TENM3: variants seen among roughly 807,000 people sequenced by gnomAD.
The protein encoded by TENM3 is teneurin-3.
A neutral mutation model predicts 255.1 loss-of-function variants in TENM3; 63 were observed. That is an observed-to-expected ratio of 0.25 (90% confidence interval 0.20 to 0.30). The LOEUF (loss-of-function observed/expected upper bound fraction) is 0.30. Among genes scored for constraint, TENM3 ranks in the 10% least tolerant of loss-of-function variants. The pLI is 1.00. For synonymous variants in TENM3, 1,306 were observed against 1,322.3 expected (o/e 0.99, Z 0.27); for missense variants, 2,929 against 3,461.1 (o/e 0.85, Z 3.86).
the TENM3 span, among the ~76,000 whole-genome samples, chr4:181,635,999 A>G: frequency 2.6e-4 from 39 of 152,256 alleles, no homozygotes; most frequent in South Asian, 8.1e-3. Flanking sequence ...ACATACATGT[A>G]TATATATGTA....
chr4:181,648,934 T>C, the TENM3 span, among the ~76,000 whole-genome samples: 1 of 152,192 alleles, frequency 6.6e-6, no homozygotes, highest in Non-Finnish European at 1.5e-5. Context: ...TATAAACAAC[T>C]GAGAAACTCT....
the TENM3 span, among the ~76,000 whole-genome samples, chr4:181,751,917 G>A: frequency 2.0e-5 from 3 of 152,140 alleles, no homozygotes; most frequent in African/African-American, 7.2e-5. Context: ...CTTGCCTGCA[G>A]GAGCCTGAGC....
chr4:182,781,223 T>A (rs1208522385), intron 24 of TENM3, among the ~76,000 whole-genome samples: 1 of 150,730 alleles, frequency 6.6e-6, no homozygotes, highest in Non-Finnish European at 1.5e-5. Flanking sequence ...TATTTTGAGA[T>A]ACGTCCCATC....
chr4:182,076,076 AT>A, the TENM3 span, among the ~76,000 whole-genome samples: 8 of 151,698 alleles, frequency 5.3e-5, no homozygotes, highest in African/African-American at 1.9e-4. Flanking sequence ...ACAATGCCTA[AT>A]TTTTTTATTT....
intron 1 of TENM3, among the ~76,000 whole-genome samples, chr4:182,145,575 G>A (rs1484499988): frequency 6.6e-6 from 1 of 152,156 alleles, no homozygotes; most frequent in Non-Finnish European, 1.5e-5. Flanking sequence ...TAAGGTAGCT[G>A]GAGTGGTAAC....
Position 182,628,631 on chromosome 4 carries a change from G to GC in TENM3, c.750-20_750-19insC, listed in dbSNP as rs779770259. ...TCGTAACATATTTGTATCTTATAAT[G>GC]ATATTCTCCTTTTCCACAGGCATTT... On this transcript the variant is annotated intron_variant, in intron 4 of 27. Coordinates refer to ENST00000511685, the MANE Select transcript of TENM3 (RefSeq NM_001080477.4). 2 of 1,433,066 alleles carry GC rather than the reference G, an allele frequency of 1.4e-6. No homozygotes were observed. Among genetic ancestry groups the GC allele is most frequent in the Non-Finnish European group, 1.9e-6 (2 of 1,036,346 alleles). The allele number at this position is 1,433,066 out of a possible 1,614,324, so 88.8% of individuals were successfully genotyped here.
chr4:182,695,811 G>A (rs966852390), intron 12 of TENM3, among the ~76,000 whole-genome samples: 7 of 152,138 alleles, frequency 4.6e-5, no homozygotes. Context: ...CTCCCACCAG[G>A]CATGTACTTG....
chr4:182,039,187 C>T, the TENM3 span, among the ~76,000 whole-genome samples: 1 of 152,168 alleles, frequency 6.6e-6, no homozygotes, highest in Non-Finnish European at 1.5e-5. Flanking sequence ...CATGGTGGCT[C>T]AAACGCCTCA....
the TENM3 span, chr4:181,976,086 T>C: frequency 2.6e-5 from 4 of 152,258 alleles, no homozygotes; most frequent in African/African-American, 9.6e-5. Flanking sequence ...ATCAGTCATA[T>C]TGGGATTAGG....
At chr4:181,993,881 A>C in the TENM3 span, among the ~76,000 whole-genome samples, 1 of 152,096 alleles carries the variant, frequency 6.6e-6, no homozygotes, top group Non-Finnish European at 1.5e-5. Context: ...TTAATTTTTT[A>C]AAATAAGTAA....
At chr4:181,934,204 C>T in the TENM3 span, among the ~76,000 whole-genome samples, 4 of 152,052 alleles carry the variant, frequency 2.6e-5, no homozygotes, top group Non-Finnish European at 4.4e-5. Context: ...GATTGCTTCT[C>T]GATTAGGACT....
chr4:181,898,733 A>T, the TENM3 span, among the ~76,000 whole-genome samples: 1 of 152,098 alleles, frequency 6.6e-6, no homozygotes, highest in Non-Finnish European at 1.5e-5. Flanking sequence ...ACCTCCTTTA[A>T]TATTTTTCAT....
At chr4:182,372,779 A>G (rs1766929336) in intron 3 of TENM3, among the ~76,000 whole-genome samples, 2 of 152,230 alleles carry the variant, frequency 1.3e-5, no homozygotes, top group South Asian at 4.1e-4. Context: ...CTCAAGCTGG[A>G]GTCCAGTGGG....
chr4:182,065,964 G>T, the TENM3 span, among the ~76,000 whole-genome samples: 10 of 152,314 alleles, frequency 6.6e-5, no homozygotes, highest in African/African-American at 2.4e-4. Flanking sequence ...GCAAACACTG[G>T]TGTGCAAGTA....
intron 22 of TENM3, among the ~76,000 whole-genome samples, chr4:182,767,872 C>T (rs929098306): frequency 3.9e-5 from 6 of 152,164 alleles, no homozygotes; most frequent in African/African-American, 1.2e-4. Flanking sequence ...CAGAATGAAC[C>T]CAAACCAACA....
intron 2 of TENM3, among the ~76,000 whole-genome samples, chr4:182,331,073 T>C (rs1399470583): frequency 1.3e-5 from 2 of 151,880 alleles, no homozygotes; most frequent in African/African-American, 4.8e-5. Flanking sequence ...ATTAATACAA[T>C]GAAAAGAGGA....
chr4:181,879,798 CT>C, the TENM3 span, among the ~76,000 whole-genome samples: 1 of 152,152 alleles, frequency 6.6e-6, no homozygotes, highest in Non-Finnish European at 1.5e-5. Flanking sequence ...AGTAGACACA[CT>C]TGTGGCACTT....
At chr4:182,244,209 T>C (rs1186997129) in intron 1 of TENM3, among the ~76,000 whole-genome samples, 1 of 152,110 alleles carries the variant, frequency 6.6e-6, no homozygotes, top group Non-Finnish European at 1.5e-5. Flanking sequence ...CGCCTCGGCC[T>C]CCCAAAGTGC....
At chr4:182,262,690 G>A (rs1758889897) in intron 1 of TENM3, among the ~76,000 whole-genome samples, 1 of 151,624 alleles carries the variant, frequency 6.6e-6, no homozygotes, top group African/African-American at 2.4e-5. Context: ...TCCTGTCCAT[G>A]GAGTAGCCAT....
Sources: allele counts gnomAD v4.1 joint callset (sites outside exome capture counted in the v4.1 genomes callset), GRCh38; gene constraint gnomAD v4.1.1; transcripts MANE v1.5; gene names NCBI Gene and HGNC (gene_info 2026-07-23, HGNC 2026-07-21).